The following PIK3R3 variants were observed in gnomAD, a reference collection of about 807,000 sequenced individuals.
PIK3R3 encodes the protein phosphatidylinositol 3-kinase regulatory subunit gamma.
In PIK3R3, 64 loss-of-function variants were observed where a neutral mutation model predicts 62.9. That is an observed-to-expected ratio of 1.02 (90% CI 0.83 to 1.25). PIK3R3 has a LOEUF of 1.25. Among genes scored for constraint, PIK3R3 ranks in the 50% most tolerant of loss-of-function variants. The pLI, the probability that PIK3R3 is intolerant of heterozygous loss-of-function variation, is 0.00. For synonymous variants in PIK3R3, 165 were observed against 189.0 expected (o/e 0.87, Z 1.04); for missense variants, 614 against 561.6 (o/e 1.09, Z -0.94).
the PIK3R3 span, among the ~76,000 whole-genome samples, chr1:46,159,374 T>C: frequency 2.0e-5 from 3 of 152,130 alleles, no homozygotes; most frequent in Non-Finnish European, 2.9e-5. Flanking sequence ...GGGAACAGAC[T>C]CTCCATGGCC....
intron 1 of PIK3R3, among the ~76,000 whole-genome samples, chr1:46,104,548 C>T (rs897035068): frequency 6.6e-6 from 1 of 152,120 alleles, no homozygotes; most frequent in African/African-American, 2.4e-5. Context: ...ACAAACGAGA[C>T]AGATTACAAT....
At chr1:46,095,072 C>G (rs144143561) in intron 1 of PIK3R3, among the ~76,000 whole-genome samples, 1 of 152,112 alleles carries the variant, frequency 6.6e-6, no homozygotes, top group Non-Finnish European at 1.5e-5. Context: ...TAGAGTGTGG[C>G]GATTCCTCAA....
In PIK3R3 at chr1:46,132,111, G is replaced by A. The variant is rs1655663165; in HGVS notation, c.-159C>T. 5 of 1,418,180 alleles carry A rather than the reference G, an allele frequency of 3.5e-6. No homozygotes were observed. The highest frequency in any genetic ancestry group is 1.4e-5 in the African/African-American group (1 of 69,082). 87.8% of individuals were successfully genotyped at this position (1,418,180 alleles called of 1,614,324 possible). ...CCAGTCCGGCCAAACTACCCGAACAGGGTCCTCCCCCTCTCTCCTACAGAA... is the reference window on the plus strand; with the variant it reads ...CCAGTCCGGCCAAACTACCCGAACAAGGTCCTCCCCCTCTCTCCTACAGAA... On this transcript the variant is annotated 5_prime_UTR_variant, in exon 1 of 10. Coordinates refer to ENST00000262741, the MANE Select transcript of PIK3R3 (RefSeq NM_003629.4).
intron 3 of PIK3R3, among the ~76,000 whole-genome samples, chr1:46,068,527 A>G (rs1350971335): frequency 2.0e-5 from 3 of 152,244 alleles, no homozygotes; most frequent in Admixed American, 6.5e-5. Flanking sequence ...GAAAAAAAAT[A>G]AAGCAGAGTA....
chr1:46,054,789 CTA>C (rs746605146), intron 7 of PIK3R3, among the ~76,000 whole-genome samples: 6 of 152,132 alleles, frequency 3.9e-5, no homozygotes, highest in Non-Finnish European at 7.3e-5. Context: ...TCTATTATGC[CTA>C]TATTTGGCTA....
At chr1:46,158,745 T>C in the PIK3R3 span, among the ~76,000 whole-genome samples, 1 of 152,132 alleles carries the variant, frequency 6.6e-6, no homozygotes, top group Non-Finnish European at 1.5e-5. Flanking sequence ...CAAATCATTA[T>C]CAAAAAAGAA....
intron 1 of PIK3R3, among the ~76,000 whole-genome samples, chr1:46,125,099 C>CA (rs1409205012): frequency 6.6e-6 from 1 of 150,598 alleles, no homozygotes; most frequent in Non-Finnish European, 1.5e-5. Context: ...GACTTTGTCT[C>CA]AAAAAAAATT....
At chr1:46,055,609 A>G (rs898359271) in intron 7 of PIK3R3, among the ~76,000 whole-genome samples, 186 bp downstream of exon 7, 1 of 152,202 alleles carries the variant, frequency 6.6e-6, no homozygotes, top group Non-Finnish European at 1.5e-5. Context: ...TTTGCTCCAC[A>G]TATTAACTTC....
intron 1 of PIK3R3, chr1:46,105,251 C>G: frequency 5.9e-6 from 2 of 339,572 alleles, no homozygotes; most frequent in Non-Finnish European, 1.1e-5. Flanking sequence ...CACCTGTAAT[C>G]CCAGAACTTT....
At chr1:46,066,258 A>C in intron 4 of PIK3R3, 79 bp from the exon 5 acceptor site, 4 of 980,016 alleles carry the variant, frequency 4.1e-6, no homozygotes, top group Non-Finnish European at 6.1e-6. Flanking sequence ...TCTATTTTTT[A>C]AAGGAAAATA....
chr1:46,051,772 A>G (rs2149380104), intron 7 of PIK3R3, among the ~76,000 whole-genome samples: 1 of 152,344 alleles, frequency 6.6e-6, no homozygotes, highest in Non-Finnish European at 1.5e-5. Flanking sequence ...AACCAAATAG[A>G]TGCCTGAAAG....
chr1:46,166,295 C>T, the PIK3R3 span, among the ~76,000 whole-genome samples: 3 of 151,818 alleles, frequency 2.0e-5, no homozygotes, highest in Non-Finnish European at 4.4e-5. Flanking sequence ...ATGATCTTGG[C>T]TCAGTGCAAC....
intron 1 of PIK3R3, among the ~76,000 whole-genome samples, chr1:46,110,190 C>A (rs1653609224): frequency 6.6e-6 from 1 of 151,690 alleles, no homozygotes; most frequent in African/African-American, 2.4e-5. Flanking sequence ...CAGCTCACTG[C>A]AACCTCTACC....
the PIK3R3 span, among the ~76,000 whole-genome samples, chr1:46,148,743 G>GGAGAGAGAGAGA: frequency 1.4e-5 from 2 of 143,364 alleles, no homozygotes; most frequent in South Asian, 4.5e-4. Flanking sequence ...CCAAGATTTT[G>GGAGAGAGAGAGA]GAGAGAGAGA....
intron 1 of PIK3R3, among the ~76,000 whole-genome samples, chr1:46,083,402 T>A (rs1305071248): frequency 6.6e-6 from 1 of 152,080 alleles, no homozygotes; most frequent in African/African-American, 2.4e-5. Flanking sequence ...ATTAACTGCA[T>A]CAAAATTAAA....
intron 1 of PIK3R3, among the ~76,000 whole-genome samples, chr1:46,091,467 A>AAC (rs1239827633): frequency 7.1e-4 from 79 of 111,690 alleles, no homozygotes; most frequent in Middle Eastern, 4.2e-3. Flanking sequence ...AATGGTTATA[A>AAC]ACACACACAC....
At chr1:46,082,190 T>C (rs892991426) in intron 1 of PIK3R3, among the ~76,000 whole-genome samples, 12 of 152,088 alleles carry the variant, frequency 7.9e-5, no homozygotes, top group African/African-American at 2.7e-4. Context: ...TGGGCCCCAA[T>C]ACAATACACT....
the PIK3R3 span, among the ~76,000 whole-genome samples, chr1:46,162,650 C>A: frequency 3.9e-5 from 6 of 152,100 alleles, 1 homozygote; most frequent in South Asian, 8.3e-4. Flanking sequence ...GAGACAGAGT[C>A]TTGCTCTGTC....
At chr1:46,132,658 A>G, upstream of PIK3R3, 1 of 1,289,634 alleles carries the variant, frequency 7.8e-7, no homozygotes, top group Non-Finnish European at 1.0e-6. Flanking sequence ...TTTCATTTTA[A>G]CGGCGCGGAG....
Sources: allele counts gnomAD v4.1 joint callset (sites outside exome capture counted in the v4.1 genomes callset), GRCh38; gene constraint gnomAD v4.1.1; transcripts MANE v1.5; gene names NCBI Gene and HGNC (gene_info 2026-07-23, HGNC 2026-07-21).